Variants in ABCB5 observed in about 807,000 individuals in gnomAD.
The protein encoded by ABCB5 is ATP-binding cassette sub-family B member 5.
Under a neutral mutation model 144.2 loss-of-function variants are expected in ABCB5, and 155 were observed. The ratio of observed to expected loss-of-function variants is 1.08; its 90% CI spans 0.94 to 1.23. ABCB5 has a LOEUF of 1.23. Ranked by LOEUF, ABCB5 falls within the 50% of genes most tolerant of loss-of-function variation. The pLI, the probability that ABCB5 is intolerant of heterozygous loss-of-function variation, is 0.00. For synonymous variants in ABCB5, 610 were observed against 528.6 expected (o/e 1.15, Z -2.11); for missense variants, 1,830 against 1,520.8 (o/e 1.20, Z -3.38).
chr7:20,698,702 T>C, intron 17 of ABCB5, 152 bp downstream of exon 17: 1 of 659,288 alleles, frequency 1.5e-6, no homozygotes, highest in Non-Finnish European at 2.3e-6. Flanking sequence ...GGTTAATTAA[T>C]GTTCCCAGGA....
At chr7:20,640,619 T>C (rs139717518) in intron 5 of ABCB5, among the ~76,000 whole-genome samples, 3 of 152,228 alleles carry the variant, frequency 2.0e-5, no homozygotes, top group African/African-American at 7.2e-5. Context: ...AAAATAACAC[T>C]TGCTTACAGT....
intron 20 of ABCB5, among the ~76,000 whole-genome samples, chr7:20,710,250 C>A (rs1173409568): frequency 7.0e-6 from 1 of 143,232 alleles, no homozygotes; most frequent in African/African-American, 2.6e-5. Flanking sequence ...ATCTATAATC[C>A]CAGCTACTCG....
intron 2 of ABCB5, among the ~76,000 whole-genome samples, chr7:20,625,673 T>C (rs377746963): frequency 2.0e-5 from 3 of 152,162 alleles, no homozygotes; most frequent in East Asian, 1.9e-4. Context: ...GGTGAGGATA[T>C]AGAGAAACTG....
intron 19 of ABCB5, among the ~76,000 whole-genome samples, chr7:20,703,710 T>C (rs1353699293): frequency 6.6e-6 from 1 of 152,114 alleles, no homozygotes; most frequent in Non-Finnish European, 1.5e-5. Context: ...TTCCAGTGAG[T>C]GTGAGGAAAC....
At chr7:20,743,222 A>G (rs1782617645) in intron 25 of ABCB5, 148 bp downstream of exon 25, 1 of 785,902 alleles carries the variant, frequency 1.3e-6, no homozygotes, top group South Asian at 1.8e-5. Context: ...ACCCTTAACT[A>G]AGAGGACAAG....
chr7:20,636,782 CAAAAAAAAAAAAA>C (rs35824075), intron 5 of ABCB5, among the ~76,000 whole-genome samples: 3 of 74,246 alleles, frequency 4.0e-5, no homozygotes, highest in Non-Finnish European at 5.9e-5. Context: ...AAGACTCCAT[CAAAAAAAAAAAAA>C]AAAAAAAAGG....
intron 16 of ABCB5, among the ~76,000 whole-genome samples, chr7:20,689,741 C>T (rs1356236910): frequency 1.3e-5 from 2 of 152,186 alleles, no homozygotes; most frequent in Non-Finnish European, 2.9e-5. Context: ...AAAACCTCCT[C>T]CTGCAATGTC....
In ABCB5 at chr7:20,710,131, T is replaced by C. The variant is rs1384177165; in HGVS notation, c.2421+5324T>C. Among the ~76,000 whole-genome samples, 5 of 147,178 alleles carry C rather than the reference T, an allele frequency of 3.4e-5. 1 individual carries two copies. The highest frequency in any genetic ancestry group is 5.1e-5 in the African/African-American group (2 of 39,564). On this transcript the variant is annotated intron_variant, in intron 20 of 27. Transcript: ENST00000404938. ...GCCTGTAATCCCAGCACCCAGCACTTTGGGAGACCGAGGCGGGTGGATCAC... is the reference window on the plus strand; with the variant it reads ...GCCTGTAATCCCAGCACCCAGCACTCTGGGAGACCGAGGCGGGTGGATCAC...
At chr7:20,643,116 A>C in intron 5 of ABCB5, 68 bp from the exon 6 acceptor site, 1 of 1,372,218 alleles carries the variant, frequency 7.3e-7, no homozygotes, top group Non-Finnish European at 9.9e-7. Flanking sequence ...ACTGTGATCG[A>C]TTTTTTATGT....
At chr7:20,662,055 G>A (rs1489000243) in intron 14 of ABCB5, among the ~76,000 whole-genome samples, 1 of 152,158 alleles carries the variant, frequency 6.6e-6, no homozygotes, top group Non-Finnish European at 1.5e-5. Flanking sequence ...GCAGGCCCCT[G>A]GGGAAGCCAA....
chr7:20,708,333 C>T (rs751013401), intron 20 of ABCB5, among the ~76,000 whole-genome samples: 5 of 151,974 alleles, frequency 3.3e-5, no homozygotes, highest in African/African-American at 7.3e-5. Context: ...TGGTTAAGGA[C>T]GGCTCTTTTA....
intron 1 of ABCB5, 78 bp downstream of exon 1, chr7:20,615,915 G>C (rs1324885469): frequency 6.6e-6 from 1 of 152,270 alleles, no homozygotes; most frequent in Non-Finnish European, 1.5e-5. Context: ...CTCCATCTTA[G>C]AAAGAATAGT....
rs1482516178 is a variant in ABCB5 at position 20,669,700 on chromosome 7, G to A, written c.1707+11024G>A. Among the ~76,000 whole-genome samples the A allele has an allele frequency of 1.1e-4, 12 of 111,904 alleles. No individual in the cohort carries two copies. The South Asian group carries it at 1.1e-3, about 10-fold the overall frequency. The allele number at this position is 111,904 out of a possible 152,430, so 73.4% of individuals were successfully genotyped here. A position where few individuals can be genotyped will look rare whatever the true frequency, so the allele number is the denominator to read the frequency against. On this transcript the variant is annotated intron_variant, in intron 14 of 27. Transcript: ENST00000404938. The stretch of plus-strand genomic sequence containing the variant: ...ATGACCCTGCCAAATCCCCCTCTGC[G>A]AGAAACACCCAAGAATGATCAATAA...
chr7:20,721,214 T>C (rs572637747), intron 20 of ABCB5, among the ~76,000 whole-genome samples: 4 of 152,092 alleles, frequency 2.6e-5, no homozygotes, highest in South Asian at 2.1e-4. Context: ...GATGATAGAG[T>C]ATCAGGTCAG....
At chr7:20,706,305 C>G (rs1786820009) in intron 20 of ABCB5, among the ~76,000 whole-genome samples, 1 of 152,148 alleles carries the variant, frequency 6.6e-6, no homozygotes, top group African/African-American at 2.4e-5. Context: ...ATGTTTGTCT[C>G]TTACTACTTA....
intron 5 of ABCB5, among the ~76,000 whole-genome samples, chr7:20,633,049 T>C (rs1040829108): frequency 2.9e-4 from 43 of 148,796 alleles, no homozygotes; most frequent in African/African-American, 1.0e-3. Context: ...GAAAATTCTA[T>C]TTCTTTAAAC....
At chr7:20,685,389 A>G (rs1186466772) in intron 15 of ABCB5, among the ~76,000 whole-genome samples, 1 of 152,138 alleles carries the variant, frequency 6.6e-6, no homozygotes, top group Non-Finnish European at 1.5e-5. Context: ...TGTCTCAAAA[A>G]GCTCCTGTTA....
chr7:20,692,829 G>A (rs1304981572), intron 16 of ABCB5, among the ~76,000 whole-genome samples: 1 of 151,984 alleles, frequency 6.6e-6, no homozygotes, highest in African/African-American at 2.4e-5. Context: ...TTTTCTTAGA[G>A]CAAACAACAT....
In ABCB5 at chr7:20,711,794, T is replaced by TCTCTCTCTCTC. The variant is rs1562573624; in HGVS notation, c.2421+6987_2421+6988insCTCTCTCTCTC. Among the ~76,000 whole-genome samples, 171 of 85,626 alleles carry TCTCTCTCTCTC rather than the reference T, an allele frequency of 2.0e-3. 19 individuals are homozygous for TCTCTCTCTCTC. The East Asian group carries it at 0.028, about 14-fold the overall frequency. 56.2% of individuals were successfully genotyped at this position (85,626 alleles called of 152,430 possible). On this transcript the variant is annotated intron_variant, in intron 20 of 27. Coordinates refer to ENST00000404938, the MANE Select transcript of ABCB5 (RefSeq NM_001163941.2). The stretch of plus-strand genomic sequence containing the variant: ...TCCTTCTTTCTCTTTCTTTCTTTCT[T>TCTCTCTCTCTC]TCTTTCTTTCTTTCTTTCTTTCTTT...
Sources: allele counts gnomAD v4.1 joint callset (sites outside exome capture counted in the v4.1 genomes callset), GRCh38; gene constraint gnomAD v4.1.1; transcripts MANE v1.5; gene names NCBI Gene and HGNC (gene_info 2026-07-23, HGNC 2026-07-21).